NPSR1: variants seen among roughly 807,000 people sequenced by gnomAD.
The protein encoded by NPSR1 is neuropeptide S receptor.
Under a neutral mutation model 46.9 loss-of-function variants are expected in NPSR1, and 48 were observed. That is an observed-to-expected ratio of 1.02 (90% CI 0.81 to 1.30). The LOEUF (loss-of-function observed/expected upper bound fraction) is 1.30, where lower values mean the gene tolerates loss of function less well. NPSR1 is among the 50% of genes most tolerant of loss of function. NPSR1 has a pLI of 0.00. For synonymous variants in NPSR1, 176 were observed against 168.1 expected (o/e 1.05, Z -0.36); for missense variants, 450 against 449.5 (o/e 1.00, Z -0.01).
At chr7:34,829,727 A>G (rs958776893) in intron 5 of NPSR1, among the ~76,000 whole-genome samples, 1 of 152,120 alleles carries the variant, frequency 6.6e-6, no homozygotes, top group Non-Finnish European at 1.5e-5. Flanking sequence ...CTTCTCCTCA[A>G]ACTTGCCTGT....
At chr7:34,840,177 G>A (rs942331363) in intron 6 of NPSR1, among the ~76,000 whole-genome samples, 1 of 152,042 alleles carries the variant, frequency 6.6e-6, no homozygotes, top group Admixed American at 6.5e-5. Context: ...CTACTTGAAG[G>A]TTCAGAGATA....
intron 8 of NPSR1, among the ~76,000 whole-genome samples, chr7:34,861,149 C>T (rs1249550409): frequency 2.0e-5 from 3 of 151,924 alleles, no homozygotes; most frequent in African/African-American, 7.3e-5. Context: ...AGCCCAATGC[C>T]CTACTCACAC....
intron 8 of NPSR1, among the ~76,000 whole-genome samples, chr7:34,864,843 TC>T (rs1290674971): frequency 6.6e-6 from 1 of 151,866 alleles, no homozygotes; most frequent in Non-Finnish European, 1.5e-5. Flanking sequence ...GAACTGGTCT[TC>T]CCCACTGTGG....
intron 2 of NPSR1, among the ~76,000 whole-genome samples, chr7:34,752,524 T>A (rs1324530767): frequency 6.6e-6 from 1 of 152,200 alleles, no homozygotes; most frequent in Non-Finnish European, 1.5e-5. Context: ...CATTCCAGCC[T>A]TCGTACAGGG....
exon 9 of NPSR1, chr7:34,878,275 G>A: frequency 2.8e-6 from 2 of 703,726 alleles, no homozygotes; most frequent in Middle Eastern, 3.9e-4. Context: ...TTCCCAAAAT[G>A]GGTCACAGCA....
chr7:34,664,080 A>G (rs115774085), intron 1 of NPSR1, among the ~76,000 whole-genome samples: 64 of 152,354 alleles, frequency 4.2e-4, no homozygotes, highest in African/African-American at 1.5e-3. Flanking sequence ...TAAGAAATCT[A>G]ACACTATTTT....
At chr7:34,866,918 A>G (rs1459726084) in intron 8 of NPSR1, among the ~76,000 whole-genome samples, 2 of 151,738 alleles carry the variant, frequency 1.3e-5, no homozygotes, top group Non-Finnish European at 2.9e-5. Flanking sequence ...GTTAAAAATA[A>G]TAATAATAAA....
intron 3 of NPSR1, among the ~76,000 whole-genome samples, chr7:34,781,860 G>T (rs62462893): frequency 6.6e-6 from 1 of 152,216 alleles, no homozygotes; most frequent in Non-Finnish European, 1.5e-5. Flanking sequence ...CCAAGCCCCA[G>T]TGTTAAACTC....
At chr7:34,694,269 C>T (rs1257743607) in intron 2 of NPSR1, among the ~76,000 whole-genome samples, 2 of 152,106 alleles carry the variant, frequency 1.3e-5, no homozygotes, top group Non-Finnish European at 2.9e-5. Flanking sequence ...CTACAGACTC[C>T]AAAAGACTCC....
chr7:34,765,378 G>A (rs904885345), intron 2 of NPSR1, among the ~76,000 whole-genome samples: 3 of 152,070 alleles, frequency 2.0e-5, no homozygotes, highest in African/African-American at 7.2e-5. Context: ...TAATTACAAT[G>A]AATAAGAAAA....
intron 3 of NPSR1, among the ~76,000 whole-genome samples, chr7:34,784,720 C>T (rs1787382633): frequency 6.6e-6 from 1 of 152,074 alleles, no homozygotes; most frequent in South Asian, 2.1e-4. Flanking sequence ...AGGGAGGATT[C>T]CCTCTTTTTC....
At chr7:34,808,202 T>C (rs893248649) in intron 3 of NPSR1, among the ~76,000 whole-genome samples, 4 of 152,316 alleles carry the variant, frequency 2.6e-5, no homozygotes, top group African/African-American at 9.6e-5. Context: ...GGAGGACTCA[T>C]GGGCTTGCCA....
Position 34,814,838 on chromosome 7 carries a change from C to T in NPSR1, c.478+2975C>T, listed in dbSNP as rs141690226. On this transcript the variant is annotated intron_variant, in intron 4 of 8. Coordinates refer to ENST00000360581, the MANE Select transcript of NPSR1 (RefSeq NM_207172.2). ...CAGCTGAGGGACCTGACTGTTACAA[C>T]GGAAACTAACAAACAGAAAGGAATA... Among the ~76,000 whole-genome samples the T allele has an allele frequency of 3.8e-3, 574 of 152,228 alleles. 6 individuals are homozygous for T. The highest frequency in any genetic ancestry group is 0.013 in the African/African-American group (536 of 41,540).
chr7:34,870,867 C>CATGG (rs56324222), intron 8 of NPSR1, among the ~76,000 whole-genome samples: 37,329 of 145,636 alleles, frequency 0.26, 5,380 homozygotes, highest in Middle Eastern at 0.36. Context: ...AAGTGGGTAA[C>CATGG]ATGGATGGAT....
chr7:34,859,457 T>C (rs756905487), intron 8 of NPSR1, among the ~76,000 whole-genome samples: 15 of 151,650 alleles, frequency 9.9e-5, no homozygotes, highest in Middle Eastern at 3.4e-3. Context: ...TATGCGGTGA[T>C]GTTAGCCCCA....
At chr7:34,877,958 G>A (rs1054285169) in intron 8 of NPSR1, 7 of 590,578 alleles carry the variant, frequency 1.2e-5, no homozygotes, top group African/African-American at 7.5e-5. Context: ...GAACCGAGGC[G>A]GGAGGTAGAC....
intron 2 of NPSR1, among the ~76,000 whole-genome samples, chr7:34,776,587 T>G (rs532356629): frequency 1.8e-4 from 27 of 152,342 alleles, no homozygotes; most frequent in African/African-American, 5.8e-4. Context: ...CGCCTACATA[T>G]GCCTTATGTC....
intron 1 of NPSR1, among the ~76,000 whole-genome samples, chr7:34,663,748 T>C (rs2609229): frequency 0.3 from 46,294 of 152,094 alleles, 8,463 homozygotes; most frequent in African/African-American, 0.52. Flanking sequence ...CACAGTGTTC[T>C]TCCGAATTTA....
At chr7:34,775,500 T>C (rs2128735366) in intron 2 of NPSR1, among the ~76,000 whole-genome samples, 1 of 152,262 alleles carries the variant, frequency 6.6e-6, no homozygotes, top group African/African-American at 2.4e-5. Context: ...CATTTTATTA[T>C]AAGTTCTTGT....
Sources: gnomAD v4.1 joint callset for allele counts (sites outside exome capture counted in the v4.1 genomes callset) on GRCh38, gnomAD v4.1.1 for gene constraint, MANE v1.5 for transcripts, NCBI Gene and HGNC (gene_info 2026-07-23, HGNC 2026-07-21) for gene names.